PLCB1: variants seen among roughly 807,000 people sequenced by gnomAD.
PLCB1 encodes phospholipase C beta 1.
In PLCB1, 46 loss-of-function variants were observed where a neutral mutation model predicts 161.8. That is an observed-to-expected ratio of 0.28 (90% confidence interval 0.22 to 0.36). The LOEUF is 0.36. Ranked by LOEUF, PLCB1 falls within the 10% of genes least tolerant of loss-of-function variation. The probability of loss-of-function intolerance (pLI) is 1.00; values close to 1 mark genes in which losing one functional copy is unlikely to be tolerated. For missense variants in PLCB1, 1,016 were observed against 1,472.5 expected (o/e 0.69, Z 5.07); for synonymous variants, 517 against 503.7 (o/e 1.03, Z -0.35).
intron 7 of PLCB1, chr20:8,652,441 A>C (rs1989345765): frequency 1.3e-5 from 2 of 152,152 alleles, no homozygotes; most frequent in Non-Finnish European, 2.9e-5. Context: ...GTTTCTGTGA[A>C]CTGACTATGA....
At chr20:8,821,548 TATATATATA>T (rs1163332445) in intron 31 of PLCB1, among the ~76,000 whole-genome samples, 132 of 107,642 alleles carry the variant, frequency 1.2e-3, no homozygotes, top group Non-Finnish European at 2.0e-3. Context: ...TATATATATA[TATATATATA>T]TTTAAATGAC....
At chr20:8,820,287 G>C (rs1985278760) in intron 31 of PLCB1, among the ~76,000 whole-genome samples, 1 of 150,148 alleles carries the variant, frequency 6.7e-6, no homozygotes, top group Non-Finnish European at 1.5e-5. Flanking sequence ...AATTCCTACA[G>C]ATTAAGTGAA....
intron 3 of PLCB1, among the ~76,000 whole-genome samples, chr20:8,489,607 T>G (rs1982864375): frequency 6.6e-6 from 1 of 152,046 alleles, no homozygotes; most frequent in East Asian, 1.9e-4. Context: ...CTGGTTTGGG[T>G]CAAGCAGGTG....
chr20:8,628,075 A>G (rs1340444152), intron 3 of PLCB1, among the ~76,000 whole-genome samples: 6 of 152,178 alleles, frequency 3.9e-5, no homozygotes, highest in Admixed American at 3.9e-4. Flanking sequence ...ACTGCAGGCT[A>G]TAGTCTTGAG....
chr20:8,448,891 AATGCACAGGCT>A (rs370893879), intron 3 of PLCB1, among the ~76,000 whole-genome samples: 6 of 152,192 alleles, frequency 3.9e-5, no homozygotes, highest in Admixed American at 1.3e-4. Flanking sequence ...CCTGAAAGGC[AATGCACAGGCT>A]ATTGAATAGG....
chr20:8,799,197 A>G (rs553661098), intron 31 of PLCB1, among the ~76,000 whole-genome samples: 82 of 152,274 alleles, frequency 5.4e-4, no homozygotes, highest in Non-Finnish European at 1.1e-3. Flanking sequence ...ATGTGGACAT[A>G]TGGTGATAAA....
At chr20:8,763,226 G>A (rs954689499) in intron 25 of PLCB1, among the ~76,000 whole-genome samples, 3 of 152,166 alleles carry the variant, frequency 2.0e-5, no homozygotes, top group African/African-American at 4.8e-5. Context: ...TTTTGAGACG[G>A]AGTCTCACCC....
chr20:8,559,083 T>C (rs755674628), intron 3 of PLCB1, among the ~76,000 whole-genome samples: 2 of 151,918 alleles, frequency 1.3e-5, no homozygotes, highest in Non-Finnish European at 2.9e-5. Context: ...AACCCCTCTT[T>C]TTTCTCATAT....
intron 3 of PLCB1, among the ~76,000 whole-genome samples, chr20:8,491,191 G>A (rs1357714797): frequency 1.3e-5 from 2 of 151,466 alleles, no homozygotes; most frequent in Non-Finnish European, 2.9e-5. Context: ...TAGGTTTTAT[G>A]CTTAGGTCTT....
chr20:8,523,486 C>CCATATATATATATATATATA (rs1341360626), intron 3 of PLCB1, among the ~76,000 whole-genome samples: 4 of 61,172 alleles, frequency 6.5e-5, no homozygotes, highest in African/African-American at 2.7e-4. Context: ...CTCTCTCTCT[C>CCATATATATATATATATATA]TCTCTCTCTC....
intron 31 of PLCB1, among the ~76,000 whole-genome samples, chr20:8,822,596 G>A (rs939527135): frequency 6.6e-6 from 1 of 152,188 alleles, no homozygotes; most frequent in Non-Finnish European, 1.5e-5. Flanking sequence ...AGGACACAAA[G>A]CTAGTCATTG....
In PLCB1 at chr20:8,800,628, A is replaced by G. The variant is rs181668008; in HGVS notation, c.3423+10367A>G. Among the ~76,000 whole-genome samples, 433 of 152,318 alleles carry G rather than the reference A, an allele frequency of 2.8e-3. 1 individual carries two copies. Among genetic ancestry groups the G allele is most frequent in the Non-Finnish European group, 4.4e-3 (298 of 68,026 alleles). On this transcript the variant is annotated intron_variant, in intron 31 of 31. Transcript: ENST00000338037. ...AGCAGCATGTGCCTGTGTTTGGTACATAAGAGAGAATAGAAAATACATTGT... is the reference window on the plus strand; with the variant it reads ...AGCAGCATGTGCCTGTGTTTGGTACGTAAGAGAGAATAGAAAATACATTGT...
chr20:8,327,993 C>T (rs1035773234), intron 2 of PLCB1, among the ~76,000 whole-genome samples: 1 of 151,978 alleles, frequency 6.6e-6, no homozygotes, highest in African/African-American at 2.4e-5. Context: ...ACACACAAAT[C>T]ACACAAATGC....
intron 31 of PLCB1, among the ~76,000 whole-genome samples, chr20:8,823,429 A>ACCACCC (rs1485588904): frequency 6.6e-6 from 1 of 152,086 alleles, no homozygotes; most frequent in Admixed American, 6.6e-5. Flanking sequence ...CGCCAGAGCC[A>ACCACCC]CCACCCCTGC....
intron 3 of PLCB1, among the ~76,000 whole-genome samples, chr20:8,380,964 A>T (rs1248858330): frequency 1.3e-5 from 2 of 152,170 alleles, no homozygotes; most frequent in Non-Finnish European, 2.9e-5. Context: ...CCCTGGTCAG[A>T]ACTTCCAATA....
intron 9 of PLCB1, among the ~76,000 whole-genome samples, chr20:8,681,528 T>C (rs1990221058): frequency 6.6e-6 from 1 of 152,214 alleles, no homozygotes; most frequent in African/African-American, 2.4e-5. Flanking sequence ...TCATGTTCAA[T>C]AAACCATTGT....
At chr20:8,261,616 G>C (rs1389233564) in intron 2 of PLCB1, among the ~76,000 whole-genome samples, 2 of 152,058 alleles carry the variant, frequency 1.3e-5, no homozygotes, top group Admixed American at 6.6e-5. Flanking sequence ...AAAATTTATG[G>C]AGACTTTTAT....
intron 31 of PLCB1, among the ~76,000 whole-genome samples, chr20:8,857,340 G>GA (rs1257942463): frequency 6.6e-6 from 1 of 152,072 alleles, no homozygotes; most frequent in African/African-American, 2.4e-5. Context: ...GTGTACTAAT[G>GA]AAAAAAATTT....
At position 8,262,710 on chromosome 20, in the gene PLCB1, C is replaced by T. The variant is rs544129002; in HGVS notation, c.178-108672C>T. Among the ~76,000 whole-genome samples the T allele has an allele frequency of 2.0e-5, 3 of 152,288 alleles. No individual in the cohort carries two copies. The East Asian group carries it at 5.8e-4, about 29-fold the overall frequency. ...TAGACGGAGTGGCTTAAACAACAGA[C>T]AGTTATTTCTCACCATTCCAGAGGC... On this transcript the variant is annotated intron_variant, in intron 2 of 31. Transcript: ENST00000338037.
Sources: allele counts gnomAD v4.1 joint callset (sites outside exome capture counted in the v4.1 genomes callset), GRCh38; gene constraint gnomAD v4.1.1; transcripts MANE v1.5; gene names NCBI Gene and HGNC (gene_info 2026-07-23, HGNC 2026-07-21).